The following GPC6 variants were observed in gnomAD, a reference collection of about 807,000 sequenced individuals.
The protein encoded by GPC6 is glypican 6, also known as glypican-6.
Under a neutral mutation model 55.2 loss-of-function variants are expected in GPC6, and 14 were observed. That is an observed-to-expected ratio of 0.25 (90% CI 0.17 to 0.40). GPC6 has a LOEUF of 0.40. GPC6 is among the 10% of genes least tolerant of loss of function. The pLI, the probability that GPC6 is intolerant of heterozygous loss-of-function variation, is 1.00. For synonymous variants in GPC6, 278 were observed against 259.6 expected (o/e 1.07, Z -0.68); for missense variants, 641 against 708.5 (o/e 0.90, Z 1.08).
intron 4 of GPC6, among the ~76,000 whole-genome samples, chr13:94,100,530 A>C (rs1885819082): frequency 6.6e-6 from 1 of 152,208 alleles, no homozygotes; most frequent in African/African-American, 2.4e-5. Flanking sequence ...ATCAGCCCAC[A>C]TCTCCCAGTC....
Position 93,971,099 on chromosome 13 carries a change from A to G in GPC6, c.712-56630A>G, listed in dbSNP as rs74109170. On this transcript the variant is annotated intron_variant, in intron 3 of 8. Coordinates refer to ENST00000377047, the MANE Select transcript of GPC6 (RefSeq NM_005708.5). ...TTATTCTACACTGAGGATCAGTTTC[A>G]TGAGGACATTCAATTTTAATAAATC... 8.1e-3 allele frequency among the ~76,000 whole-genome samples: 1,241 copies of G among 152,348 alleles called. 18 individuals are homozygous for G. The highest frequency in any genetic ancestry group is 0.028 in the African/African-American group (1,180 of 41,590).
chr13:93,751,182 CAAACA>C (rs1472376507), intron 2 of GPC6, among the ~76,000 whole-genome samples: 4 of 150,238 alleles, frequency 2.7e-5, no homozygotes, highest in Admixed American at 2.6e-4. Context: ...AACAAACAAA[CAAACA>C]AAAAATGCCT....
chr13:94,218,636 T>C (rs773423364), intron 4 of GPC6, among the ~76,000 whole-genome samples: 6 of 152,186 alleles, frequency 3.9e-5, no homozygotes, highest in Non-Finnish European at 4.4e-5. Flanking sequence ...CCCCCAGGCT[T>C]CTGCACCTGC....
chr13:93,841,071 GGT>G (rs1887936978), intron 3 of GPC6, among the ~76,000 whole-genome samples: 1 of 152,132 alleles, frequency 6.6e-6, no homozygotes, highest in African/African-American at 2.4e-5. Context: ...GGGTAGGCAA[GGT>G]GTGTGATACC....
At chr13:93,892,370 C>T (rs1167447379) in intron 3 of GPC6, among the ~76,000 whole-genome samples, 6 of 152,006 alleles carry the variant, frequency 3.9e-5, no homozygotes, top group African/African-American at 1.4e-4. Flanking sequence ...TCTTACATAC[C>T]CTTTTATGAC....
At chr13:93,839,168 G>A (rs1256637668) in intron 3 of GPC6, among the ~76,000 whole-genome samples, 2 of 152,026 alleles carry the variant, frequency 1.3e-5, no homozygotes, top group Non-Finnish European at 2.9e-5. Flanking sequence ...TTTAGCAAGC[G>A]CAGGTTGACT....
At chr13:94,363,404 C>T (rs1468559019) in intron 6 of GPC6, among the ~76,000 whole-genome samples, 1 of 152,134 alleles carries the variant, frequency 6.6e-6, no homozygotes, top group African/African-American at 2.4e-5. Flanking sequence ...AACCTAACTT[C>T]GATTCAGTTC....
intron 4 of GPC6, among the ~76,000 whole-genome samples, chr13:94,079,816 T>G (rs1311682635): frequency 6.6e-6 from 1 of 152,228 alleles, no homozygotes; most frequent in South Asian, 2.1e-4. Flanking sequence ...ACTTTTAAGC[T>G]ACCTGGATGA....
intron 4 of GPC6, among the ~76,000 whole-genome samples, chr13:94,067,904 G>C (rs549167861): frequency 6.6e-6 from 1 of 152,284 alleles, no homozygotes; most frequent in East Asian, 1.9e-4. Flanking sequence ...AGAGAACAAA[G>C]ATGATCTAAG....
At chr13:93,872,743 C>A (rs1212619756) in intron 3 of GPC6, among the ~76,000 whole-genome samples, 1 of 151,918 alleles carries the variant, frequency 6.6e-6, no homozygotes, top group Non-Finnish European at 1.5e-5. Flanking sequence ...ATCCTTTTGG[C>A]CATGCAACAT....
At chr13:93,977,081 A>G (rs1880554269) in intron 3 of GPC6, among the ~76,000 whole-genome samples, 1 of 152,076 alleles carries the variant, frequency 6.6e-6, no homozygotes, top group African/African-American at 2.4e-5. Flanking sequence ...GAAAACTGAC[A>G]CCCATGGATT....
intron 3 of GPC6, among the ~76,000 whole-genome samples, chr13:93,862,888 T>A (rs1271074451): frequency 2.0e-5 from 3 of 151,670 alleles, no homozygotes; most frequent in Admixed American, 2.0e-4. Context: ...CCCACTCTTT[T>A]CATAACATCT....
At chr13:93,761,547 T>G (rs1257663308) in intron 2 of GPC6, among the ~76,000 whole-genome samples, 9 of 152,116 alleles carry the variant, frequency 5.9e-5, no homozygotes, top group Non-Finnish European at 1.3e-4. Flanking sequence ...AGGGTCATCT[T>G]GCTCTGGTGC....
intron 1 of GPC6, among the ~76,000 whole-genome samples, chr13:93,508,144 A>G (rs954847998): frequency 6.6e-6 from 1 of 152,226 alleles, no homozygotes; most frequent in East Asian, 1.9e-4. Flanking sequence ...GGGTAAAGGG[A>G]TAAAGAGTGA....
At position 94,010,900 on chromosome 13, in the gene GPC6, T is replaced by A. The variant is rs141068153; in HGVS notation, c.712-16829T>A. 6.0e-4 allele frequency among the ~76,000 whole-genome samples: 92 copies of A among 152,236 alleles called. No individual in the cohort carries two copies. The East Asian group carries it at 0.017, about 28-fold the overall frequency. ...TAGGATTTTTCATAGGAAAATGGGATCATGGATGATATATCCTTAACATGG... is the reference window on the plus strand; with the variant it reads ...TAGGATTTTTCATAGGAAAATGGGAACATGGATGATATATCCTTAACATGG... On this transcript the variant is annotated intron_variant, in intron 3 of 8. Coordinates refer to ENST00000377047, the MANE Select transcript of GPC6 (RefSeq NM_005708.5).
intron 1 of GPC6, among the ~76,000 whole-genome samples, chr13:93,254,024 C>A (rs927153011): frequency 6.6e-6 from 1 of 152,084 alleles, no homozygotes; most frequent in Admixed American, 6.6e-5. Flanking sequence ...AGTATATGAT[C>A]GTGCTGTGTA....
intron 2 of GPC6, among the ~76,000 whole-genome samples, chr13:93,546,040 G>A (rs1030221347): frequency 6.6e-5 from 10 of 152,042 alleles, no homozygotes; most frequent in East Asian, 1.9e-4. Context: ...TTGAATTTTC[G>A]CATTAGAGCC....
chr13:94,145,650 T>G (rs1217455106), intron 4 of GPC6, among the ~76,000 whole-genome samples: 1 of 152,206 alleles, frequency 6.6e-6, no homozygotes, highest in Admixed American at 6.6e-5. Context: ...TACTCATTAA[T>G]TCAGTAAACT....
chr13:94,337,132 C>T (rs1877750132), intron 6 of GPC6, among the ~76,000 whole-genome samples: 1 of 152,150 alleles, frequency 6.6e-6, no homozygotes, highest in Non-Finnish European at 1.5e-5. Context: ...TGAACCAACA[C>T]ATTTGCCCTC....
Sources: allele counts gnomAD v4.1 joint callset (sites outside exome capture counted in the v4.1 genomes callset), GRCh38; gene constraint gnomAD v4.1.1; transcripts MANE v1.5; gene names NCBI Gene and HGNC (gene_info 2026-07-23, HGNC 2026-07-21).